SLC7A2: variants seen among roughly 807,000 people sequenced by gnomAD.
The protein encoded by SLC7A2 is solute carrier family 7 member 2.
Under a neutral mutation model 58.9 loss-of-function variants are expected in SLC7A2, and 48 were observed. The ratio of observed to expected loss-of-function variants is 0.82; its 90% CI spans 0.65 to 1.04. The LOEUF (loss-of-function observed/expected upper bound fraction) is 1.04. Ranked by LOEUF, SLC7A2 falls within the 50% of genes least tolerant of loss-of-function variation. The pLI, the probability that SLC7A2 is intolerant of heterozygous loss-of-function variation, is 0.00. For synonymous variants in SLC7A2, 363 were observed against 314.5 expected (o/e 1.15, Z -1.63); for missense variants, 1,029 against 818.8 (o/e 1.26, Z -3.13).
At chr8:17,542,101 A>G (rs1395100320) in intron 2 of SLC7A2, among the ~76,000 whole-genome samples, 3 of 152,222 alleles carry the variant, frequency 2.0e-5, no homozygotes, top group Non-Finnish European at 2.9e-5. Flanking sequence ...GCATAGTTGA[A>G]TAGCACTTTT....
intron 2 of SLC7A2, among the ~76,000 whole-genome samples, chr8:17,512,304 T>C (rs1015216692): frequency 6.6e-6 from 1 of 151,616 alleles, no homozygotes; most frequent in African/African-American, 2.4e-5. Flanking sequence ...CCTAGCACTT[T>C]GGGAGGCCAA....
At chr8:17,531,133 T>C (rs529096759) in intron 2 of SLC7A2, among the ~76,000 whole-genome samples, 2 of 152,258 alleles carry the variant, frequency 1.3e-5, no homozygotes, top group African/African-American at 4.8e-5. Context: ...GAGCCTAAGA[T>C]AGGATATCTC....
Position 17,565,182 on chromosome 8 carries a change from T to C in SLC7A2, c.*36T>C, listed in dbSNP as rs1190302573. The C allele has an allele frequency of 7.9e-6, 12 of 1,509,736 alleles. No homozygotes were observed. In the South Asian group the frequency reaches 1.4e-4, roughly 18 times the overall value. The allele number at this position is 1,509,736 out of a possible 1,614,324, so 93.5% of individuals were successfully genotyped here. ...AGCAGAGCTGGTCATCGTCTTAGCA[T>C]ACATATCCTACACTGAGTAAACCGT... is the stretch of plus-strand genomic sequence containing the variant. On this transcript the variant is annotated 3_prime_UTR_variant, in exon 13 of 13. Transcript: ENST00000494857.
chr8:17,537,621 T>A (rs902732135), intron 2 of SLC7A2, among the ~76,000 whole-genome samples: 15 of 151,918 alleles, frequency 9.9e-5, no homozygotes, highest in Admixed American at 2.6e-4. Context: ...CCAGGTAAGG[T>A]AAAAAATTCT....
chr8:17,512,959 G>T (rs1203928287), intron 2 of SLC7A2, among the ~76,000 whole-genome samples: 2 of 152,172 alleles, frequency 1.3e-5, no homozygotes, highest in African/African-American at 4.8e-5. Context: ...TGCAGCATGT[G>T]TCAGAATTTC....
Position 17,540,100 on chromosome 8 carries a change from A to G in SLC7A2, c.-22-3218A>G, listed in dbSNP as rs556597055. Among the ~76,000 whole-genome samples, 4 of 152,286 alleles carry G rather than the reference A, an allele frequency of 2.6e-5. No homozygotes were observed. In the South Asian group the frequency reaches 8.3e-4, roughly 32 times the overall value. ...AAAGCATATTTTACAAAAGTACGAGATACACTTTCTTCATCTGCTAAGCAC... is the reference window on the plus strand; with the variant it reads ...AAAGCATATTTTACAAAAGTACGAGGTACACTTTCTTCATCTGCTAAGCAC... On this transcript the variant is annotated intron_variant, in intron 2 of 12. Transcript: ENST00000494857.
intron 2 of SLC7A2, among the ~76,000 whole-genome samples, chr8:17,507,047 C>T (rs942912382): frequency 1.3e-5 from 2 of 151,492 alleles, no homozygotes; most frequent in South Asian, 2.1e-4. Flanking sequence ...CAGGTTCAAG[C>T]GATTCCCCTG....
chr8:17,511,266 A>C (rs534102737), intron 2 of SLC7A2: 1 of 150,646 alleles, frequency 6.6e-6, no homozygotes, highest in African/African-American at 2.4e-5. Context: ...AAGTAAAATT[A>C]AAAAAAAAAT....
intron 2 of SLC7A2, among the ~76,000 whole-genome samples, chr8:17,540,697 A>G (rs1424816953): frequency 6.6e-6 from 1 of 152,154 alleles, no homozygotes; most frequent in South Asian, 2.1e-4. Context: ...TTACTGTTTT[A>G]ACGTTTTCAC....
At position 17,567,550 on chromosome 8, in the gene SLC7A2, ATGTTTGTATGAGTG is replaced by A. The variant is rs761944952; in HGVS notation, c.*2406_*2419del. 1 of 150,468 alleles carries A rather than the reference ATGTTTGTATGAGTG, an allele frequency of 6.6e-6. No individual in the cohort carries two copies. Among genetic ancestry groups the A allele is most frequent in the Non-Finnish European group, 1.5e-5 (1 of 67,698 alleles). 9.3% of individuals were successfully genotyped at this position (150,468 alleles called of 1,614,324 possible). ...TTTGTATGTTTGTTAACAGTTACAT[ATGTTTGTATGAGTG>A]TATATATATATCTGTGTGTGTGTAT... On this transcript the variant is annotated 3_prime_UTR_variant, in exon 13 of 13. Coordinates refer to ENST00000494857, the MANE Select transcript of SLC7A2 (RefSeq NM_001370338.1).
At chr8:17,551,693 TCA>T in intron 6 of SLC7A2, 69 bp from the exon 7 acceptor site, 1 of 1,146,784 alleles carries the variant, frequency 8.7e-7, no homozygotes, top group South Asian at 1.2e-5. Flanking sequence ...AGGAAGAATT[TCA>T]CACAATTTAA....
intron 2 of SLC7A2, among the ~76,000 whole-genome samples, chr8:17,531,431 A>G (rs1801446815): frequency 6.6e-6 from 1 of 152,188 alleles, no homozygotes; most frequent in African/African-American, 2.4e-5. Context: ...CATGAGTAGT[A>G]TGATATATGT....
At chr8:17,547,830 A>C (rs1488298606) in intron 4 of SLC7A2, among the ~76,000 whole-genome samples, 2 of 130,682 alleles carry the variant, frequency 1.5e-5, no homozygotes, top group Non-Finnish European at 3.7e-5. Flanking sequence ...GTGTTTACAA[A>C]ATTTGGGAGG....
rs559946239 is a variant in SLC7A2, at chr8:17,511,180, A to G, written c.-23+8878A>G. 7 of 152,320 alleles carry G rather than the reference A, an allele frequency of 4.6e-5. No homozygotes were observed. The South Asian group carries it at 1.4e-3, about 32-fold the overall frequency. The allele number at this position is 152,320 out of a possible 1,614,324, so 9.4% of individuals were successfully genotyped here. On this transcript the variant is annotated intron_variant, in intron 2 of 12. Transcript: ENST00000494857. ...AGCTTAAAACGTAGATGGCAGGTTG[A>G]TAGGTGCAGCAAACCATGGCACACG...
chr8:17,533,418 T>C (rs532120244), intron 2 of SLC7A2, among the ~76,000 whole-genome samples: 2 of 152,344 alleles, frequency 1.3e-5, no homozygotes, highest in African/African-American at 2.4e-5. Context: ...TGAAAATGAA[T>C]GTGAATTCTG....
Position 17,543,531 on chromosome 8 carries a change from G to T in SLC7A2, c.192G>T (p.Ser64=). 6.2e-7 allele frequency: 1 copy of T among 1,613,254 alleles called. No homozygotes were observed. The highest frequency in any genetic ancestry group is 8.5e-7 in the Non-Finnish European group (1 of 1,179,560). ...CTGGGGAGGTGGCCAAGGCAGACTC[G>T]GGCCCCAGCATCGTGGTGTCCTTCC... ...VLAGEVAKAD[S]GPSIVVSFLI... The change falls in exon 3 of 13, where the codon TCG becomes TCT. Residue 64 remains serine, a synonymous_variant. Coordinates refer to ENST00000494857, the MANE Select transcript of SLC7A2 (RefSeq NM_001370338.1).
intron 2 of SLC7A2, among the ~76,000 whole-genome samples, chr8:17,537,763 G>A (rs1368242035): frequency 6.6e-6 from 1 of 152,130 alleles, no homozygotes; most frequent in East Asian, 1.9e-4. Flanking sequence ...GGAGACCTAC[G>A]GGCATGGGCA....
At chr8:17,512,144 G>T (rs1266599803) in intron 2 of SLC7A2, among the ~76,000 whole-genome samples, 1 of 152,042 alleles carries the variant, frequency 6.6e-6, no homozygotes, top group Non-Finnish European at 1.5e-5. Flanking sequence ...AACGTATATC[G>T]TATGTCAGGC....
chr8:17,516,615 G>C lies in SLC7A2; in HGVS notation c.-23+14313G>C, dbSNP rs117398582. ...GGTAACTCGTAGAGATTATTAGCTA[G>C]CTCAGGGCTTCTTCCCTCTTTGGGC... On this transcript the variant is annotated intron_variant, in intron 2 of 12. Coordinates refer to ENST00000494857, the MANE Select transcript of SLC7A2 (RefSeq NM_001370338.1). 5.6e-3 allele frequency among the ~76,000 whole-genome samples: 854 copies of C among 152,318 alleles called. 7 individuals are homozygous for C. Among genetic ancestry groups the C allele is most frequent in the South Asian group, 9.7e-3 (47 of 4,832 alleles).
Sources: allele counts gnomAD v4.1 joint callset (sites outside exome capture counted in the v4.1 genomes callset), GRCh38; gene constraint gnomAD v4.1.1; transcripts MANE v1.5; gene names NCBI Gene and HGNC (gene_info 2026-07-23, HGNC 2026-07-21).